ZNF570: variants seen among roughly 807,000 people sequenced by gnomAD.
The protein encoded by ZNF570 is zinc finger protein 570.
ZNF570 carries 8 observed loss-of-function variants against 14.2 expected under a neutral mutation model. The ratio of observed to expected loss-of-function variants is 0.56; its 90% CI spans 0.33 to 1.02. ZNF570 has a LOEUF of 1.02. ZNF570 is among the 50% of genes least tolerant of loss of function. ZNF570 has a pLI of 0.03. For missense variants in ZNF570, 559 were observed against 624.9 expected, an observed-to-expected ratio of 0.89 and a Z score of 1.12; for synonymous variants, 202 against 207.6, an observed-to-expected ratio of 0.97 and a Z score of 0.23.
intron 2 of ZNF570, 134 bp from the exon 3 acceptor site, chr19:37,475,747 G>C: frequency 5.2e-6 from 4 of 765,358 alleles, no homozygotes; most frequent in Non-Finnish European, 8.0e-6. Context: ...GATATACAAA[G>C]GCCCTGAGTA....
intron 4 of ZNF570, among the ~76,000 whole-genome samples, chr19:37,479,036 G>A (rs2042057506): frequency 6.6e-6 from 1 of 151,136 alleles, no homozygotes; most frequent in South Asian, 2.1e-4. Flanking sequence ...AAACATTTGT[G>A]TAAAATAAAA....
At chr19:37,475,063 A>C (rs1308464906) in intron 2 of ZNF570, among the ~76,000 whole-genome samples, 1 of 151,396 alleles carries the variant, frequency 6.6e-6, no homozygotes, top group African/African-American at 2.4e-5. Context: ...TCCTGGGTTC[A>C]AGCGATTCTC....
chr19:37,468,337 C>T (rs193082109), upstream of ZNF570, among the ~76,000 whole-genome samples: 39 of 152,214 alleles, frequency 2.6e-4, no homozygotes, highest in East Asian at 4.7e-3. Flanking sequence ...GATCCTCCCG[C>T]CTGGGCCTCA....
At chr19:37,468,068 C>G, upstream of ZNF570, 1 of 655,262 alleles carries the variant, frequency 1.5e-6, no homozygotes, top group Non-Finnish European at 2.4e-6. Flanking sequence ...CTATGCCTTT[C>G]GTGTTTTTTT....
intron 4 of ZNF570, among the ~76,000 whole-genome samples, chr19:37,476,726 T>G (rs1347651751): frequency 2.7e-5 from 4 of 146,972 alleles, no homozygotes; most frequent in South Asian, 2.2e-4. Context: ...TTTTTTTTTT[T>G]TGTGACAGAG....
chr19:37,472,132 C>T (rs1387783686), intron 2 of ZNF570, among the ~76,000 whole-genome samples: 1 of 152,024 alleles, frequency 6.6e-6, no homozygotes, highest in Non-Finnish European at 1.5e-5. Context: ...GTCTCTATCT[C>T]TTGACCTTGT....
chr19:37,469,840 G>A (rs2041925267), intron 1 of ZNF570, among the ~76,000 whole-genome samples: 2 of 152,204 alleles, frequency 1.3e-5, no homozygotes, highest in South Asian at 4.1e-4. Flanking sequence ...TGTGGCGTGG[G>A]TAAGACGGTG....
rs928561223 is a variant in ZNF570, at chr19:37,485,401, CTTTTTTTTCT to C, written c.*183_*192del. ...TTTCCCACAATGCACTCAAACGGAT[CTTTTTTTTCT>C]TTTTTTTTCTTTTTGAGACAATGTC... is the stretch of plus-strand genomic sequence containing the variant. On this transcript the variant is annotated 3_prime_UTR_variant, in exon 5 of 5. Transcript: ENST00000330173. 1.1e-5 allele frequency: 7 copies of C among 612,048 alleles called. No individual in the cohort carries two copies. In the South Asian group the frequency reaches 1.5e-4, roughly 13 times the overall value. 37.9% of individuals were successfully genotyped at this position (612,048 alleles called of 1,614,324 possible).
rs375513360 is a variant in ZNF570 at position 37,482,322 on chromosome 19, C to T, written c.257-1557C>T. 1.1e-4 allele frequency among the ~76,000 whole-genome samples: 16 copies of T among 152,180 alleles called. No individual in the cohort carries two copies. The East Asian group carries it at 1.2e-3, about 11-fold the overall frequency. On this transcript the variant is annotated intron_variant, in intron 4 of 4. Coordinates refer to ENST00000330173, the MANE Select transcript of ZNF570 (RefSeq NM_144694.5). ...TTTAACTGGCTGTCAGTTCTGCAGGCTGTACAGGAAGCATAGCGGCATCTT... is the reference window on the plus strand; with the variant it reads ...TTTAACTGGCTGTCAGTTCTGCAGGTTGTACAGGAAGCATAGCGGCATCTT...
At chr19:37,468,008 C>G, upstream of ZNF570, 3 of 1,387,678 alleles carry the variant, frequency 2.2e-6, no homozygotes, top group South Asian at 3.7e-5. Flanking sequence ...GACTTCTAAA[C>G]AGACTTGGCC....
chr19:37,469,387 C>T lies in ZNF570; in HGVS notation c.-222C>T, dbSNP rs754355011. On this transcript the variant is annotated 5_prime_UTR_variant, in exon 1 of 5. Coordinates refer to ENST00000330173, the MANE Select transcript of ZNF570 (RefSeq NM_144694.5). ...TTCCGGGCCCGTAAGGGCTGGGTTC[C>T]ATCCAACTAAGGGTAGCGGTGAGAC... 11 of 1,484,942 alleles carry T rather than the reference C, an allele frequency of 7.4e-6. No homozygotes were observed. The highest frequency in any genetic ancestry group is 7.2e-6 in the Non-Finnish European group (8 of 1,115,244). The allele number at this position is 1,484,942 out of a possible 1,614,324, so 92.0% of individuals were successfully genotyped here.
At chr19:37,479,749 T>C (rs2042065772) in intron 4 of ZNF570, among the ~76,000 whole-genome samples, 1 of 152,174 alleles carries the variant, frequency 6.6e-6, no homozygotes, top group African/African-American at 2.4e-5. Context: ...TCTCTTTAAT[T>C]CTAGTGACTA....
At chr19:37,467,838 G>A, upstream of ZNF570, 1 of 1,531,158 alleles carries the variant, frequency 6.5e-7, no homozygotes, top group Non-Finnish European at 8.8e-7. Flanking sequence ...CCATGGTCGC[G>A]TTTTATATTC....
chr19:37,473,072 C>G (rs2041986579), intron 2 of ZNF570, among the ~76,000 whole-genome samples: 1 of 151,980 alleles, frequency 6.6e-6, no homozygotes, highest in African/African-American at 2.4e-5. Flanking sequence ...GTTTTGTTTT[C>G]TCAGAGAAAA....
At chr19:37,469,228 C>A, upstream of ZNF570, 2 of 1,353,378 alleles carry the variant, frequency 1.5e-6, no homozygotes, top group South Asian at 1.6e-5. Context: ...CTGCGCGGAG[C>A]TGCACCGCTG....
At chr19:37,482,440 A>T (rs1035012297) in intron 4 of ZNF570, among the ~76,000 whole-genome samples, 1 of 152,154 alleles carries the variant, frequency 6.6e-6, no homozygotes, top group African/African-American at 2.4e-5. Flanking sequence ...TGCATGAGAG[A>T]TGGGGGAGGT....
intron 2 of ZNF570, among the ~76,000 whole-genome samples, chr19:37,471,806 G>A (rs1305403724): frequency 1.3e-5 from 2 of 152,138 alleles, no homozygotes; most frequent in Non-Finnish European, 2.9e-5. Flanking sequence ...ATAGAATTAG[G>A]GAACTCAACT....
intron 2 of ZNF570, among the ~76,000 whole-genome samples, chr19:37,474,009 A>G (rs1308459144): frequency 6.6e-6 from 1 of 152,244 alleles, no homozygotes; most frequent in Admixed American, 6.5e-5. Context: ...CTGTGGTACA[A>G]GGAATGTGGG....
At chr19:37,473,120 T>A (rs2041987319) in intron 2 of ZNF570, among the ~76,000 whole-genome samples, 1 of 151,758 alleles carries the variant, frequency 6.6e-6, no homozygotes. Context: ...GGGAAGGAGA[T>A]CTTGAAGGTG....
Sources: gnomAD v4.1 joint callset for allele counts (sites outside exome capture counted in the v4.1 genomes callset) on GRCh38, gnomAD v4.1.1 for gene constraint, MANE v1.5 for transcripts, NCBI Gene and HGNC (gene_info 2026-07-23, HGNC 2026-07-21) for gene names.